The following ABR variants were observed in gnomAD, a reference collection of about 807,000 sequenced individuals.
The protein encoded by ABR is ABR activator of RhoGEF and GTPase.
ABR carries 35 observed loss-of-function variants against 107.2 expected under a neutral mutation model. The observed-to-expected ratio is 0.33, with a 90% CI of 0.25 to 0.43. The LOEUF is 0.43. Among genes scored for constraint, ABR ranks in the 20% least tolerant of loss-of-function variants. The pLI, the probability that ABR is intolerant of heterozygous loss-of-function variation, is 1.00. For synonymous variants in ABR, 498 were observed against 462.0 expected, an observed-to-expected ratio of 1.08 and a Z score of -1.00; for missense variants, 815 against 1,115.2, an observed-to-expected ratio of 0.73 and a Z score of 3.83.
intron 16 of ABR, among the ~76,000 whole-genome samples, chr17:1,018,081 C>G (rs189577980): frequency 2.0e-5 from 3 of 149,932 alleles, no homozygotes; most frequent in African/African-American, 7.4e-5. Context: ...CTTGCTCTGT[C>G]GCCCAGGCTG....
At chr17:1,130,113 T>G (rs1358457258) in intron 1 of ABR, among the ~76,000 whole-genome samples, 1 of 152,160 alleles carries the variant, frequency 6.6e-6, no homozygotes, top group Non-Finnish European at 1.5e-5. Flanking sequence ...AACTTTTCTG[T>G]GTGCTTACAA....
chr17:1,168,369 G>C (rs752393092), intron 1 of ABR, among the ~76,000 whole-genome samples: 3 of 152,206 alleles, frequency 2.0e-5, no homozygotes, highest in Non-Finnish European at 4.4e-5. Context: ...TCTGAGCCAG[G>C]GATCTCACTA....
intron 6 of ABR, among the ~76,000 whole-genome samples, chr17:1,074,446 C>T (rs1344319311): frequency 1.3e-5 from 2 of 150,800 alleles, no homozygotes; most frequent in Non-Finnish European, 3.0e-5. Flanking sequence ...CCATGCCCTG[C>T]AGAGTCTAGC....
At chr17:1,187,348 CAG>C (rs1320664244), upstream of ABR, 18 of 152,492 alleles carry the variant, frequency 1.2e-4, no homozygotes, top group South Asian at 4.1e-4. Flanking sequence ...CGTCCTGCGG[CAG>C]AGAGTGGGGG....
chr17:1,101,803 G>A (rs978176578), intron 2 of ABR, among the ~76,000 whole-genome samples: 25 of 150,914 alleles, frequency 1.7e-4, no homozygotes, highest in African/African-American at 4.1e-4. Flanking sequence ...GCGCGATCTC[G>A]GCTCACTGCA....
At chr17:1,026,923 G>T (rs2072244256) in intron 16 of ABR, among the ~76,000 whole-genome samples, 1 of 151,728 alleles carries the variant, frequency 6.6e-6, no homozygotes, top group Admixed American at 6.6e-5. Flanking sequence ...AGGCTTGGGG[G>T]CGCTTCCAAA....
chr17:1,109,173 C>T (rs1485373975), intron 2 of ABR: 1 of 1,376,044 alleles, frequency 7.3e-7, no homozygotes, highest in Admixed American at 2.8e-5. Context: ...AGGTCTACAC[C>T]CGCGCGCCCG....
chr17:1,159,299 T>C (rs1414024423), intron 1 of ABR, among the ~76,000 whole-genome samples: 1 of 55,854 alleles, frequency 1.8e-5, no homozygotes, highest in African/African-American at 6.8e-5. Context: ...AAGAATGCGG[T>C]ACTCACACAC....
intron 1 of ABR, among the ~76,000 whole-genome samples, chr17:1,225,462 G>A (rs892973678): frequency 6.6e-6 from 1 of 152,096 alleles, no homozygotes; most frequent in African/African-American, 2.4e-5. Flanking sequence ...AGACCAGCCC[G>A]GCCAATATGG....
intron 2 of ABR, among the ~76,000 whole-genome samples, chr17:1,120,219 G>A (rs528108409): frequency 1.8e-4 from 27 of 152,108 alleles, no homozygotes; most frequent in Non-Finnish European, 3.7e-4. Context: ...TGATGAGGGG[G>A]AGGAGGAGGA....
At chr17:1,107,157 A>G (rs900363101) in intron 2 of ABR, among the ~76,000 whole-genome samples, 2 of 152,250 alleles carry the variant, frequency 1.3e-5, no homozygotes, top group Non-Finnish European at 2.9e-5. Flanking sequence ...GCAGCAAAGT[A>G]GAGGGGAAGA....
At chr17:1,022,188 G>C (rs1037093432) in intron 16 of ABR, among the ~76,000 whole-genome samples, 9 of 152,060 alleles carry the variant, frequency 5.9e-5, no homozygotes, top group African/African-American at 2.2e-4. Context: ...CACGTGGAAG[G>C]TGGAGCTGTG....
intron 9 of ABR, among the ~76,000 whole-genome samples, chr17:1,067,785 G>A (rs1232310500): frequency 6.6e-6 from 1 of 152,218 alleles, no homozygotes; most frequent in African/African-American, 2.4e-5. Context: ...AAGGACAGCA[G>A]GCAGAGGCAT....
Position 1,083,554 on chromosome 17 carries a change from C to G in ABR, c.605G>C (p.Ser202Thr). The stretch of plus-strand genomic sequence containing the variant: ...CTTCTGGAACTGGTTGTTGGACTGG[C>G]TGCACTTCTCAGCTGTCTCCAGAGC... ...KVALETAEKC[S>T]QSNNQFQKIS... is the part of the protein sequence containing the mutation. Residue 202 changes from serine (S) to threonine (T), a missense_variant, in exon 5 of 23, where the codon AGC becomes ACC. By Grantham distance (58) the Ser-to-Thr change is moderately conservative. Transcript: ENST00000302538. 1 of 1,612,106 alleles carries G rather than the reference C, an allele frequency of 6.2e-7. No individual in the cohort carries two copies. The highest frequency in any genetic ancestry group is 8.5e-7 in the Non-Finnish European group (1 of 1,178,718).
At chr17:1,178,719 G>GGA (rs1425786487) in intron 1 of ABR, among the ~76,000 whole-genome samples, 1 of 152,102 alleles carries the variant, frequency 6.6e-6, no homozygotes, top group African/African-American at 2.4e-5. Context: ...ACGTGGGCCA[G>GGA]GAAGGGCGAA....
chr17:1,186,552 C>T (rs1461352239), intron 1 of ABR, among the ~76,000 whole-genome samples: 11 of 152,194 alleles, frequency 7.2e-5, no homozygotes, highest in Admixed American at 2.6e-4. Flanking sequence ...TCCCAGGGGC[C>T]GAGTTGAAGC....
At chr17:1,021,897 G>A (rs1336821123) in intron 16 of ABR, among the ~76,000 whole-genome samples, 1 of 151,662 alleles carries the variant, frequency 6.6e-6, no homozygotes. Flanking sequence ...GGTGGCTCAT[G>A]CCTGTAATCC....
chr17:1,073,018 A>G (rs909543926), intron 7 of ABR, among the ~76,000 whole-genome samples: 2 of 152,004 alleles, frequency 1.3e-5, no homozygotes, highest in Non-Finnish European at 2.9e-5. Flanking sequence ...CATCTCTAGT[A>G]AAAATATAAA....
chr17:1,021,593 C>T, intron 16 of ABR, among the ~76,000 whole-genome samples: 1 of 151,774 alleles, frequency 6.6e-6, no homozygotes, highest in Non-Finnish European at 1.5e-5. Context: ...ATCACAAGGT[C>T]AGGAGATCGA....
Sources: allele counts gnomAD v4.1 joint callset (sites outside exome capture counted in the v4.1 genomes callset), GRCh38; gene constraint gnomAD v4.1.1; transcripts MANE v1.5; gene names NCBI Gene and HGNC (gene_info 2026-07-23, HGNC 2026-07-21).